Variants in PLCB1 observed in about 807,000 individuals in gnomAD.
PLCB1 encodes 1-phosphatidylinositol 4,5-bisphosphate phosphodiesterase beta-1.
In PLCB1, 46 loss-of-function variants were observed where a neutral mutation model predicts 161.8. That is an observed-to-expected ratio of 0.28 (90% confidence interval 0.22 to 0.36). The LOEUF is 0.36. Among genes scored for constraint, PLCB1 ranks in the 10% least tolerant of loss-of-function variants. PLCB1 has a pLI of 1.00. For synonymous variants in PLCB1, 517 were observed against 503.7 expected (o/e 1.03, Z -0.35); for missense variants, 1,016 against 1,472.5 (o/e 0.69, Z 5.07).
At chr20:8,162,702 G>A (rs1485957209) in intron 2 of PLCB1, among the ~76,000 whole-genome samples, 1 of 152,232 alleles carries the variant, frequency 6.6e-6, no homozygotes, top group Non-Finnish European at 1.5e-5. Context: ...AAATTATATT[G>A]CATCACGGCA....
intron 2 of PLCB1, among the ~76,000 whole-genome samples, chr20:8,182,980 AAAAG>A (rs2051861594): frequency 3.0e-5 from 1 of 32,826 alleles, no homozygotes; most frequent in African/African-American, 2.3e-4. Flanking sequence ...TTCTGGTTAA[AAAAG>A]AACTGTTTTT....
chr20:8,275,987 G>C (rs79185718), intron 2 of PLCB1, among the ~76,000 whole-genome samples: 59 of 151,738 alleles, frequency 3.9e-4, no homozygotes, highest in African/African-American at 1.4e-3. Flanking sequence ...CTTTTTATTG[G>C]GAAATTTTTA....
chr20:8,410,048 A>C (rs1299288783), intron 3 of PLCB1, among the ~76,000 whole-genome samples: 1 of 152,144 alleles, frequency 6.6e-6, no homozygotes, highest in Admixed American at 6.5e-5. Flanking sequence ...TTATAAATAA[A>C]TTCACACTGT....
intron 2 of PLCB1, among the ~76,000 whole-genome samples, chr20:8,303,660 A>G (rs1198060912): frequency 6.6e-6 from 1 of 152,210 alleles, no homozygotes; most frequent in African/African-American, 2.4e-5. Context: ...TCCGAGTGAC[A>G]CTTTTCTTCC....
At chr20:8,769,532 A>G (rs1982560704) in intron 26 of PLCB1, among the ~76,000 whole-genome samples, 1 of 152,208 alleles carries the variant, frequency 6.6e-6, no homozygotes, top group Admixed American at 6.5e-5. Flanking sequence ...TAACCAATGG[A>G]CAACGTATTG....
At chr20:8,874,829 A>G (rs1446421080) in intron 31 of PLCB1, among the ~76,000 whole-genome samples, 2 of 151,946 alleles carry the variant, frequency 1.3e-5, no homozygotes, top group African/African-American at 2.4e-5. Flanking sequence ...TCATTCTTAT[A>G]TGTTGGTGGT....
chr20:8,316,789 G>C (rs1984677786), intron 2 of PLCB1, among the ~76,000 whole-genome samples: 1 of 152,112 alleles, frequency 6.6e-6, no homozygotes, highest in African/African-American at 2.4e-5. Context: ...ACATGATCTG[G>C]TTGGGAGGAT....
intron 2 of PLCB1, among the ~76,000 whole-genome samples, chr20:8,325,292 T>G (rs976976897): frequency 5.3e-5 from 8 of 152,240 alleles, no homozygotes; most frequent in African/African-American, 1.9e-4. Context: ...TGATGCATTC[T>G]AGACCATTAT....
At chr20:8,491,061 T>C (rs1982927306) in intron 3 of PLCB1, among the ~76,000 whole-genome samples, 1 of 151,976 alleles carries the variant, frequency 6.6e-6, no homozygotes, top group East Asian at 1.9e-4. Flanking sequence ...ATTTTACTTT[T>C]ATAAAATCTA....
At chr20:8,615,233 A>G (rs1988012366) in intron 3 of PLCB1, among the ~76,000 whole-genome samples, 1 of 152,142 alleles carries the variant, frequency 6.6e-6, no homozygotes, top group African/African-American at 2.4e-5. Flanking sequence ...TTTTTGTTAT[A>G]TATGTTGCCT....
At chr20:8,690,606 G>A (rs534597711) in intron 10 of PLCB1, among the ~76,000 whole-genome samples, 10 of 152,168 alleles carry the variant, frequency 6.6e-5, no homozygotes, top group Non-Finnish European at 1.5e-4. Flanking sequence ...TTAAACACCA[G>A]TCTTAGGTTT....
intron 31 of PLCB1, among the ~76,000 whole-genome samples, chr20:8,874,099 G>T (rs542322385): frequency 1.3e-5 from 2 of 152,000 alleles, no homozygotes; most frequent in Non-Finnish European, 2.9e-5. Context: ...AGTATTTGAG[G>T]TGATAAATAT....
At chr20:8,234,686 C>A (rs2123191198) in intron 2 of PLCB1, among the ~76,000 whole-genome samples, 1 of 151,962 alleles carries the variant, frequency 6.6e-6, no homozygotes, top group African/African-American at 2.4e-5. Flanking sequence ...CTTTTTTTGC[C>A]TCTATTGTCT....
At chr20:8,468,289 G>T (rs189063598) in intron 3 of PLCB1, among the ~76,000 whole-genome samples, 2 of 152,060 alleles carry the variant, frequency 1.3e-5, no homozygotes, top group Admixed American at 6.6e-5. Context: ...CATTTAATAC[G>T]TGTGCATTTT....
chr20:8,834,833 A>G (rs1355271759), intron 31 of PLCB1, among the ~76,000 whole-genome samples: 1 of 129,568 alleles, frequency 7.7e-6, no homozygotes, highest in African/African-American at 2.8e-5. Flanking sequence ...AAAAAAAAAA[A>G]AAAACCACAG....
chr20:8,294,182 G>C (rs1281818129), intron 2 of PLCB1, among the ~76,000 whole-genome samples: 1 of 152,008 alleles, frequency 6.6e-6, no homozygotes, highest in Non-Finnish European at 1.5e-5. Context: ...GCAAGACATT[G>C]ACAAAATATC....
chr20:8,195,275 G>C (rs2052009512), intron 2 of PLCB1, among the ~76,000 whole-genome samples: 1 of 151,942 alleles, frequency 6.6e-6, no homozygotes, highest in Non-Finnish European at 1.5e-5. Flanking sequence ...TGTTTTTCAA[G>C]TTAAGATTCT....
chr20:8,702,655 TG>T (rs1209605351), intron 11 of PLCB1, among the ~76,000 whole-genome samples: 11 of 152,174 alleles, frequency 7.2e-5, no homozygotes, highest in Admixed American at 2.0e-4. Flanking sequence ...TTGAACCATA[TG>T]GCTTATAGAT....
chr20:8,456,919 A>G (rs536658062), intron 3 of PLCB1, among the ~76,000 whole-genome samples: 13 of 152,282 alleles, frequency 8.5e-5, no homozygotes, highest in Admixed American at 3.3e-4. Context: ...TGACTTCCCC[A>G]AGGCTCCATG....
Sources: allele counts gnomAD v4.1 joint callset (sites outside exome capture counted in the v4.1 genomes callset), GRCh38; gene constraint gnomAD v4.1.1; transcripts MANE v1.5; gene names NCBI Gene and HGNC (gene_info 2026-07-23, HGNC 2026-07-21).